Variants in PCDHGA7 observed in about 807,000 individuals in gnomAD.
The protein encoded by PCDHGA7 is protocadherin gamma subfamily A, 7, also known as protocadherin gamma-A7.
In PCDHGA7, 44 loss-of-function variants were observed where a neutral mutation model predicts 58.3. That is an observed-to-expected ratio of 0.75 (90% CI 0.59 to 0.97). The LOEUF (loss-of-function observed/expected upper bound fraction) is 0.97. Ranked by LOEUF, PCDHGA7 falls within the 50% of genes least tolerant of loss-of-function variation. PCDHGA7 has a pLI of 0.00. For synonymous variants in PCDHGA7, 516 were observed against 504.2 expected, an observed-to-expected ratio of 1.02 and a Z score of -0.31; for missense variants, 1,266 against 1,188.7, an observed-to-expected ratio of 1.06 and a Z score of -0.96.
intron 1 of PCDHGA7, chr5:141,413,489 G>A (rs937434384): frequency 1.9e-6 from 3 of 1,614,036 alleles, no homozygotes; most frequent in Admixed American, 1.7e-5. Context: ...CAGAGCGCGC[G>A]GTGCGTGGTG....
chr5:141,476,476 C>A lies in PCDHGA7; in HGVS notation c.2425-18331C>A. On this transcript the variant is annotated intron_variant, in intron 1 of 3. Coordinates refer to ENST00000518325, the MANE Select transcript of PCDHGA7 (RefSeq NM_018920.4). The surrounding 1 kb of genome is among the most constrained non-coding windows in gnomAD (Gnocchi z 7.6). ...TGGAGAACCCGCTGGAGCTGTTCAG[C>A]GTGGAAGTGGTGATCCAGGACATCA... 6.2e-7 allele frequency: 1 copy of A among 1,613,986 alleles called. No individual in the cohort carries two copies. The highest frequency in any genetic ancestry group is 8.5e-7 in the Non-Finnish European group (1 of 1,179,992).
rs374181150 is a variant in PCDHGA7, at chr5:141,477,134, G to C, written c.2425-17673G>C. The C allele has an allele frequency of 2.5e-5, 41 of 1,614,092 alleles. No homozygotes were observed. Among genetic ancestry groups the C allele is most frequent in the Non-Finnish European group, 3.4e-5 (40 of 1,180,056 alleles). ...CGAAGGAGCACATTGCAAAGTGTTG[G>C]TGGAGGTTGTGGATGTGAATGACAA... is the stretch of plus-strand genomic sequence containing the variant. On this transcript the variant is annotated intron_variant, in intron 1 of 3. Coordinates refer to ENST00000518325, the MANE Select transcript of PCDHGA7 (RefSeq NM_018920.4). The surrounding 1 kb of genome is among the most constrained non-coding windows in gnomAD (Gnocchi z 4.9).
chr5:141,502,866 C>CTT (rs549047197), intron 2 of PCDHGA7, among the ~76,000 whole-genome samples: 3 of 128,046 alleles, frequency 2.3e-5, no homozygotes, highest in Non-Finnish European at 3.2e-5. Flanking sequence ...GACTCTCTGT[C>CTT]TTTTTTTTTT....
Position 141,511,267 on chromosome 5 carries a change from C to T in PCDHGA7, c.*94C>T, listed in dbSNP as rs1223074819. 1.3e-6 allele frequency: 2 copies of T among 1,549,404 alleles called. No homozygotes were observed. Among genetic ancestry groups the T allele is most frequent in the Non-Finnish European group, 1.7e-6 (2 of 1,146,836 alleles). On this transcript the variant is annotated 3_prime_UTR_variant, in exon 4 of 4. Transcript: ENST00000518325. ...CCAGGCCTCAGAGTTTCAGGGCTAA[C>T]CCCCAGAATACTGGTAGGGGCCAAG...
intron 1 of PCDHGA7, chr5:141,393,813 C>G (rs376904307): frequency 1.2e-6 from 2 of 1,613,814 alleles, no homozygotes; most frequent in Non-Finnish European, 8.5e-7. Flanking sequence ...GACCAAATTG[C>G]TCATTTCGGT....
chr5:141,392,366 G>C (rs956315393), intron 1 of PCDHGA7: 4 of 152,962 alleles, frequency 2.6e-5, no homozygotes, highest in East Asian at 1.9e-4. Context: ...GCTACAATCT[G>C]ATCATTCTGA....
At chr5:141,408,513 T>C in intron 1 of PCDHGA7, 2 of 1,614,034 alleles carry the variant, frequency 1.2e-6, no homozygotes, top group East Asian at 4.5e-5. Context: ...AGATGTGAGT[T>C]GCAATTGGAA....
In PCDHGA7 at chr5:141,384,205, ACT is replaced by A. The variant is rs1561601043; in HGVS notation, c.1308_1309del (p.Phe439HisfsTer9). 2 of 1,613,874 alleles carry A rather than the reference ACT, an allele frequency of 1.2e-6. No homozygotes were observed. Among genetic ancestry groups the A allele is most frequent in the East Asian group, 2.2e-5 (1 of 44,882 alleles). ...DGGTPPLSRE[T>X]HIFMQVADTN... is the part of the protein sequence containing the mutation. ...TGGAACTCCTCCCTTGTCCAGGGAA[ACT>A]CACATATTCATGCAGGTGGCAGACA... is the stretch of plus-strand genomic sequence containing the variant. On this transcript the variant is annotated frameshift_variant, in exon 1 of 4. Coordinates refer to ENST00000518325, the MANE Select transcript of PCDHGA7 (RefSeq NM_018920.4). LOFTEE classifies it high-confidence loss of function.
chr5:141,421,782 C>A, intron 1 of PCDHGA7: 1 of 1,613,878 alleles, frequency 6.2e-7, no homozygotes, highest in Non-Finnish European at 8.5e-7. Context: ...AACTGCGGGG[C>A]AGAACGGATG....
intron 1 of PCDHGA7, among the ~76,000 whole-genome samples, chr5:141,445,356 A>C (rs1333905692): frequency 6.6e-6 from 1 of 152,202 alleles, no homozygotes; most frequent in Non-Finnish European, 1.5e-5. Flanking sequence ...TGTCTGCCCA[A>C]GTCTGGTCCT....
intron 1 of PCDHGA7, chr5:141,423,111 T>C (rs1394665462): frequency 3.1e-6 from 5 of 1,613,718 alleles, no homozygotes; most frequent in South Asian, 1.1e-5. Flanking sequence ...GCGAGGTGCG[T>C]ACAGCGCGGG....
chr5:141,388,521 A>T (rs978300482), intron 1 of PCDHGA7: 2 of 1,613,722 alleles, frequency 1.2e-6, no homozygotes, highest in African/African-American at 2.7e-5. Context: ...CTTGACTTTG[A>T]CTGCCTTGGA....
At position 141,432,069 on chromosome 5, in the gene PCDHGA7, A is replaced by G. The variant is rs572724741; in HGVS notation, c.2424+46746A>G. On this transcript the variant is annotated intron_variant, in intron 1 of 3. Transcript: ENST00000518325. The surrounding 1 kb of genome is among the most constrained non-coding windows in gnomAD (Gnocchi z 6.0). ...ACCCCGCCCCTATCCACGGAAACTC[A>G]TATCTCGCTGAACGTGGCAGACACC... 646 of 1,614,168 alleles carry G rather than the reference A, an allele frequency of 4.0e-4. 5 individuals are homozygous for G. In the South Asian group the frequency reaches 6.9e-3, roughly 17 times the overall value.
chr5:141,478,164 C>G lies in PCDHGA7; in HGVS notation c.2425-16643C>G, dbSNP rs202185809. On this transcript the variant is annotated intron_variant, in intron 1 of 3. Transcript: ENST00000518325. Reference sequence around the variant, plus strand: ...GCCGAGTTCCCCTCTGGCTCTGCCCCCCGGGAGCAGAAAAAAAATCTCACC... The same window carrying G: ...GCCGAGTTCCCCTCTGGCTCTGCCCGCCGGGAGCAGAAAAAAAATCTCACC... The G allele has an allele frequency of 1.0e-4, 167 of 1,613,890 alleles. No homozygotes were observed. Among genetic ancestry groups the G allele is most frequent in the Non-Finnish European group, 1.3e-4 (157 of 1,180,048 alleles).
At chr5:141,388,773 GGGGAAATTACT>G (rs1376289371) in intron 1 of PCDHGA7, 2 of 1,613,690 alleles carry the variant, frequency 1.2e-6, no homozygotes, top group African/African-American at 2.7e-5. Context: ...CTCTAACACC[GGGGAAATTACT>G]GTTTTAAATA....
At chr5:141,407,547 T>C (rs895082728) in intron 1 of PCDHGA7, among the ~76,000 whole-genome samples, 1 of 151,860 alleles carries the variant, frequency 6.6e-6, no homozygotes, top group Non-Finnish European at 1.5e-5. Flanking sequence ...GGTAACAGAT[T>C]GTAGAACATA....
At chr5:141,389,320 T>TG (rs764190187) in intron 1 of PCDHGA7, 4 of 1,613,964 alleles carry the variant, frequency 2.5e-6, no homozygotes, top group Non-Finnish European at 3.4e-6. Context: ...GATCCGGACT[T>TG]GGGGCCCAAC....
chr5:141,473,763 GGATTTGGT>G (rs1358359618), intron 1 of PCDHGA7, among the ~76,000 whole-genome samples: 73 of 152,322 alleles, frequency 4.8e-4, no homozygotes, highest in African/African-American at 1.7e-3. Context: ...ACTATGCAAA[GGATTTGGT>G]ATTTTAATTC....
intron 1 of PCDHGA7, among the ~76,000 whole-genome samples, chr5:141,456,866 G>A (rs2098893781): frequency 6.6e-6 from 1 of 152,170 alleles, no homozygotes; most frequent in African/African-American, 2.4e-5. Flanking sequence ...GGGAGGCTGA[G>A]GCAGGAGAAT....
Sources: gnomAD v4.1 joint callset for allele counts (sites outside exome capture counted in the v4.1 genomes callset) on GRCh38, gnomAD v4.1.1 for gene constraint, Gnocchi (gnomAD v3.1) non-coding constraint, MANE v1.5 for transcripts, NCBI Gene and HGNC (gene_info 2026-07-23, HGNC 2026-07-21) for gene names.